WASHC2A: variants seen among roughly 807,000 people sequenced by gnomAD.
WASHC2A encodes the protein WASH complex subunit FAM21A.
A neutral mutation model predicts 140.3 loss-of-function variants in WASHC2A; 82 were observed. That is an observed-to-expected ratio of 0.58 (90% CI 0.49 to 0.70). The LOEUF (loss-of-function observed/expected upper bound fraction) is 0.70. Among genes scored for constraint, WASHC2A ranks in the 30% least tolerant of loss-of-function variants. The pLI, the probability that WASHC2A is intolerant of heterozygous loss-of-function variation, is 0.00. For synonymous variants in WASHC2A, 340 were observed against 560.8 expected, an observed-to-expected ratio of 0.61 and a Z score of 5.56; for missense variants, 985 against 1,521.8, an observed-to-expected ratio of 0.65 and a Z score of 5.87.
chr10:50,072,986 C>A (rs1193781662), intron 3 of WASHC2A, among the ~76,000 whole-genome samples: 2 of 152,094 alleles, frequency 1.3e-5, no homozygotes, highest in African/African-American at 4.8e-5. Flanking sequence ...GTGAAACAAT[C>A]CAGACTTTCT....
intron 16 of WASHC2A, among the ~76,000 whole-genome samples, chr10:50,099,269 C>CT (rs1295300009): frequency 1.5e-3 from 199 of 136,168 alleles, no homozygotes; most frequent in Middle Eastern, 3.9e-3. Flanking sequence ...CATTCTTCTT[C>CT]TTTTTTTTTT....
chr10:50,072,701 G>GA (rs1196259935), intron 3 of WASHC2A, among the ~76,000 whole-genome samples: 3 of 151,924 alleles, frequency 2.0e-5, no homozygotes, highest in Admixed American at 6.6e-5. Flanking sequence ...TGTTAGCCAG[G>GA]ATGGTCTCGA....
chr10:50,113,378 A>G (rs1842438771), intron 20 of WASHC2A, among the ~76,000 whole-genome samples: 2 of 151,844 alleles, frequency 1.3e-5, no homozygotes, highest in African/African-American at 4.8e-5. Flanking sequence ...AATATTAAAA[A>G]TAAAGTAAAT....
intron 21 of WASHC2A, among the ~76,000 whole-genome samples, chr10:50,116,766 T>C (rs1842717390): frequency 6.6e-6 from 1 of 150,828 alleles, no homozygotes; most frequent in South Asian, 2.1e-4. Flanking sequence ...ACTTTACTTA[T>C]CTCTTCCTAA....
At chr10:50,132,368 G>A (rs1057369157) in intron 30 of WASHC2A, among the ~76,000 whole-genome samples, 49 of 152,222 alleles carry the variant, frequency 3.2e-4, no homozygotes, top group Non-Finnish European at 4.6e-4. Context: ...GTCTTACATC[G>A]AGATGCCTCA....
chr10:50,129,599 G>A lies in WASHC2A; in HGVS notation c.3268G>A (p.Asp1090Asn). ...RPQLRAASGE[D>N]STEEALAAAA... ...ACAGCTCAGAGCAGCCAGTGGAGAA[G>A]ACAGCACTGAGGAGGCCCTGGCAGC... Residue 1090 changes from aspartate (D) to asparagine (N), a missense_variant, in exon 29 of 31, where the codon GAC becomes AAC. Physicochemically the swap from Asp to Asn is conservative, Grantham distance 23. Coordinates refer to ENST00000282633, the MANE Select transcript of WASHC2A (RefSeq NM_001005751.3). 6.2e-7 allele frequency: 1 copy of A among 1,612,088 alleles called. No individual in the cohort carries two copies. The highest frequency in any genetic ancestry group is 1.1e-5 in the South Asian group (1 of 90,994).
chr10:50,118,155 A>G lies in WASHC2A; in HGVS notation c.2295+97A>G. 7 of 1,244,618 alleles carry G rather than the reference A, an allele frequency of 5.6e-6. 1 individual carries two copies. Among genetic ancestry groups the G allele is most frequent in the South Asian group, 2.5e-5 (2 of 79,348 alleles). 77.1% of individuals were successfully genotyped at this position (1,244,618 alleles called of 1,614,324 possible). ...TAAGTTTTTTGACCACAGAAAATAA[A>G]TGGCCCATTTGTAGACAGATTTGAA... On this transcript the variant is annotated intron_variant, in intron 22 of 30. Coordinates refer to ENST00000282633, the MANE Select transcript of WASHC2A (RefSeq NM_001005751.3).
At chr10:50,101,887 G>T (rs1282123873) in intron 17 of WASHC2A, among the ~76,000 whole-genome samples, 12 of 151,750 alleles carry the variant, frequency 7.9e-5, no homozygotes, top group African/African-American at 2.9e-4. Flanking sequence ...GCCCTGTGTG[G>T]CTCCCAGCAT....
In WASHC2A at chr10:50,130,131, G is replaced by A. The variant is rs1393538190; in HGVS notation, c.3708+92G>A. 6 of 1,534,848 alleles carry A rather than the reference G, an allele frequency of 3.9e-6. No homozygotes were observed. The Admixed American group carries it at 6.8e-5, about 17-fold the overall frequency. Reference sequence around the variant, plus strand: ...AGCCATAGATTATGTCTAGCTTGTTGCGTGCATACCCCATAGCCACTTGCT... The same window carrying A: ...AGCCATAGATTATGTCTAGCTTGTTACGTGCATACCCCATAGCCACTTGCT... On this transcript the variant is annotated intron_variant, in intron 29 of 30. Coordinates refer to ENST00000282633, the MANE Select transcript of WASHC2A (RefSeq NM_001005751.3).
At chr10:50,124,684 T>G (rs373944964) in intron 23 of WASHC2A, among the ~76,000 whole-genome samples, 2 of 151,526 alleles carry the variant, frequency 1.3e-5, no homozygotes, top group Admixed American at 6.6e-5. Flanking sequence ...TTGTGCTTGA[T>G]TCAGCTGCTG....
Position 50,095,466 on chromosome 10 carries a change from G to T in WASHC2A, c.1241-133G>T. Reference sequence around the variant, plus strand: ...TGTTCTGTAGCAGTAATGGATGGAGGCTATTGGGCCCTGTTATGCATTTTG... The same window carrying T: ...TGTTCTGTAGCAGTAATGGATGGAGTCTATTGGGCCCTGTTATGCATTTTG... On this transcript the variant is annotated intron_variant, in intron 14 of 30. Transcript: ENST00000282633. The T allele has an allele frequency of 2.9e-6, 4 of 1,378,688 alleles. No homozygotes were observed. In the East Asian group the frequency reaches 1.0e-4, roughly 34 times the overall value. 85.4% of individuals were successfully genotyped at this position (1,378,688 alleles called of 1,614,324 possible).
At chr10:50,125,632 C>T (rs200910321) in intron 25 of WASHC2A, among the ~76,000 whole-genome samples, 183 bp downstream of exon 25, 28,105 of 152,142 alleles carry the variant, frequency 0.18, 3,186 homozygotes, top group East Asian at 0.49. Context: ...TCTGTTGTTC[C>T]TCATTTTATG....
rs1444752018 is a variant in WASHC2A at position 50,133,032 on chromosome 10, A to G, written c.*87A>G. On this transcript the variant is annotated 3_prime_UTR_variant, in exon 31 of 31. Transcript: ENST00000282633. ...ATATGCTGATGGTCTTAACTGGATT[A>G]CAAAAAGCAAATACTAGAACAGCTA... The G allele has an allele frequency of 1.2e-6, 2 of 1,606,240 alleles. No individual in the cohort carries two copies. The highest frequency in any genetic ancestry group is 1.7e-6 in the Non-Finnish European group (2 of 1,176,740).
intron 26 of WASHC2A, among the ~76,000 whole-genome samples, 168 bp from the exon 27 acceptor site, chr10:50,126,992 A>G (rs1398016317): frequency 2.6e-5 from 4 of 152,124 alleles, no homozygotes; most frequent in Admixed American, 1.3e-4. Flanking sequence ...GCATACGTGA[A>G]GTAGTGCTAG....
chr10:50,091,351 A>G, intron 9 of WASHC2A, 80 bp from the exon 10 acceptor site: 3 of 1,488,902 alleles, frequency 2.0e-6, no homozygotes, highest in South Asian at 2.4e-5. Flanking sequence ...GCTCTTGTAT[A>G]CATAATGTTG....
chr10:50,071,633 T>C (rs797038528), intron 3 of WASHC2A, among the ~76,000 whole-genome samples: 11,502 of 130,354 alleles, frequency 0.088, 584 homozygotes, highest in Middle Eastern at 0.15. Flanking sequence ...CCCAGTGTGC[T>C]TGTACCAGAT....
intron 8 of WASHC2A, among the ~76,000 whole-genome samples, chr10:50,089,056 T>G (rs1839644651): frequency 2.6e-5 from 4 of 151,460 alleles, no homozygotes; most frequent in African/African-American, 9.7e-5. Context: ...CCTCCACCTC[T>G]TCGGTTCAAG....
intron 4 of WASHC2A, among the ~76,000 whole-genome samples, chr10:50,080,116 T>C (rs1838763523): frequency 1.3e-5 from 2 of 152,182 alleles, no homozygotes; most frequent in African/African-American, 4.8e-5. Context: ...GGGACTGCCA[T>C]TGAGAACTGC....
At chr10:50,088,929 G>T in intron 8 of WASHC2A, among the ~76,000 whole-genome samples, 1 of 99,336 alleles carries the variant, frequency 1.0e-5, no homozygotes, top group Non-Finnish European at 2.0e-5. Flanking sequence ...TTCCTATTAA[G>T]ATCTGTAAAT....
Sources: gnomAD v4.1 joint callset for allele counts (sites outside exome capture counted in the v4.1 genomes callset) on GRCh38, gnomAD v4.1.1 for gene constraint, MANE v1.5 for transcripts, NCBI Gene and HGNC (gene_info 2026-07-23, HGNC 2026-07-21) for gene names.